The following VPS25 variants were observed in gnomAD, a reference collection of about 807,000 sequenced individuals.
VPS25 encodes vacuolar protein-sorting-associated protein 25.
A neutral mutation model predicts 30.3 loss-of-function variants in VPS25; 21 were observed. That is an observed-to-expected ratio of 0.69 (90% confidence interval 0.49 to 1.00). VPS25 has a LOEUF of 1.00. Ranked by LOEUF, VPS25 falls within the 50% of genes least tolerant of loss-of-function variation. The pLI is 0.00. For missense variants in VPS25, 156 were observed against 217.2 expected, an observed-to-expected ratio of 0.72 and a Z score of 1.77; for synonymous variants, 101 against 88.1, an observed-to-expected ratio of 1.15 and a Z score of -0.82.
At chr17:42,773,953 C>G (rs1194317597) in intron 2 of VPS25, 75 bp downstream of exon 2, 1 of 1,516,938 alleles carries the variant, frequency 6.6e-7, no homozygotes, top group Non-Finnish European at 8.8e-7. Flanking sequence ...GACGCCCCCC[C>G]GCGCCAGCCC....
At chr17:42,775,584 G>A (rs571043711) in intron 4 of VPS25, 115 bp downstream of exon 4, 1 of 770,808 alleles carries the variant, frequency 1.3e-6, no homozygotes, top group East Asian at 2.9e-5. Flanking sequence ...ATGGGGAGGG[G>A]GCAGAAAGAG....
At chr17:42,776,120 A>G (rs1366424103) in intron 4 of VPS25, 125 bp from the exon 5 acceptor site, 3 of 774,466 alleles carry the variant, frequency 3.9e-6, no homozygotes, top group Non-Finnish European at 6.4e-6. Flanking sequence ...CACTCTGCAG[A>G]GGCGACAGTG....
intron 2 of VPS25, chr17:42,774,088 G>T: frequency 1.8e-6 from 1 of 551,460 alleles, no homozygotes; most frequent in Non-Finnish European, 3.0e-6. Flanking sequence ...ATGACTGCTC[G>T]GATGTCATTA....
At chr17:42,776,118 A>G in intron 4 of VPS25, 127 bp from the exon 5 acceptor site, 1 of 765,554 alleles carries the variant, frequency 1.3e-6, no homozygotes, top group Non-Finnish European at 2.1e-6. Context: ...GCCACTCTGC[A>G]GAGGCGACAG....
At chr17:42,774,021 G>T in intron 2 of VPS25, 143 bp downstream of exon 2, 1 of 1,001,470 alleles carries the variant, frequency 1.0e-6, no homozygotes, top group Non-Finnish European at 1.4e-6. Flanking sequence ...GTGAAAATGT[G>T]TAGCTGACAT....
At chr17:42,775,548 G>A in intron 4 of VPS25, 79 bp downstream of exon 4, 5 of 1,234,112 alleles carry the variant, frequency 4.1e-6, no homozygotes, top group Non-Finnish European at 5.8e-6. Context: ...CAGATAGCCG[G>A]TGTTCCCAGA....
At chr17:42,774,034 T>G in intron 2 of VPS25, 156 bp downstream of exon 2, 1 of 888,442 alleles carries the variant, frequency 1.1e-6, no homozygotes, top group Non-Finnish European at 1.7e-6. Context: ...GCTGACATTT[T>G]CCCCTGGCAA....
At chr17:42,774,176 C>A in intron 2 of VPS25, 1 of 309,918 alleles carries the variant, frequency 3.2e-6, no homozygotes, top group Admixed American at 4.7e-5. Context: ...TATCTTCCAT[C>A]CTTTTCTGTG....
At chr17:42,773,914 A>T in intron 2 of VPS25, 36 bp downstream of exon 2, 1 of 1,592,570 alleles carries the variant, frequency 6.3e-7, no homozygotes, top group Non-Finnish European at 8.5e-7. Context: ...GCCCATACAC[A>T]TGCACTTCTG....
At chr17:42,777,466 A>G (rs1481963757) in intron 5 of VPS25, among the ~76,000 whole-genome samples, 2 of 152,272 alleles carry the variant, frequency 1.3e-5, no homozygotes, top group African/African-American at 4.8e-5. Flanking sequence ...GTAAGCCAAG[A>G]TCGCACCACT....
intron 2 of VPS25, chr17:42,774,095 A>T: frequency 2.0e-6 from 1 of 507,984 alleles, no homozygotes; most frequent in Non-Finnish European, 3.3e-6. Flanking sequence ...CTCGGATGTC[A>T]TTAAGGTCTT....
chr17:42,779,314 A>T lies in VPS25; in HGVS notation c.*245A>T. The T allele has an allele frequency of 2.2e-6, 1 of 458,432 alleles. No homozygotes were observed. Among genetic ancestry groups the T allele is most frequent in the Non-Finnish European group, 4.1e-6 (1 of 246,088 alleles). 28.4% of individuals were successfully genotyped at this position (458,432 alleles called of 1,614,324 possible). Reference sequence around the variant, plus strand: ...CTCGCCCTACCTCCTTTCCCATCCTAGACTGTCCTTGAGCCAGGGTCTGTA... The same window carrying T: ...CTCGCCCTACCTCCTTTCCCATCCTTGACTGTCCTTGAGCCAGGGTCTGTA... On this transcript the variant is annotated 3_prime_UTR_variant, in exon 6 of 6. Transcript: ENST00000253794.
chr17:42,776,735 A>G (rs2054438814), intron 5 of VPS25, among the ~76,000 whole-genome samples: 1 of 146,336 alleles, frequency 6.8e-6, no homozygotes, highest in South Asian at 2.1e-4. Context: ...GTCTCTGCTC[A>G]CTGCAACCTC....
chr17:42,776,820 CA>C (rs1020430188), intron 5 of VPS25, among the ~76,000 whole-genome samples: 4 of 152,162 alleles, frequency 2.6e-5, no homozygotes, highest in African/African-American at 9.7e-5. Context: ...AATTCACATG[CA>C]AAAAATCCCA....
intron 2 of VPS25, 72 bp from the exon 3 acceptor site, chr17:42,774,574 A>T: frequency 1.5e-6 from 2 of 1,357,376 alleles, no homozygotes; most frequent in Non-Finnish European, 2.1e-6. Flanking sequence ...GTGTTTCTCA[A>T]CATGGGACTG....
At chr17:42,774,624 C>T (rs558482766) in intron 2 of VPS25, 22 bp from the exon 3 acceptor site, 53 of 1,609,666 alleles carry the variant, frequency 3.3e-5, no homozygotes, top group Middle Eastern at 3.3e-4. Context: ...ATGTGTATGC[C>T]GTTCCCTTAA....
chr17:42,774,232 C>G (rs979554421), intron 2 of VPS25: 5 of 267,812 alleles, frequency 1.9e-5, no homozygotes, highest in Admixed American at 1.0e-4. Flanking sequence ...TTCTCTGCCC[C>G]CCTCCTGCCA....
chr17:42,776,251 A>G lies in VPS25; in HGVS notation c.349A>G (p.Arg117Gly). ...TCATTTTCTGTATTCACAGGTTTCC[A>G]GGAGTGGCCAGAACAACTCCGTCTT... The part of the protein sequence containing the change: ...WGKLIYQWVS[R>G]SGQNNSVFTL... The change falls in exon 5 of 6, where the codon AGG becomes GGG. Residue 117 changes from arginine (R) to glycine (G), a missense_variant. Coordinates refer to ENST00000253794, the MANE Select transcript of VPS25 (RefSeq NM_032353.4). 1 of 1,613,414 alleles carries G rather than the reference A, an allele frequency of 6.2e-7. No individual in the cohort carries two copies. Among genetic ancestry groups the G allele is most frequent in the Middle Eastern group, 1.8e-4 (1 of 5,540 alleles).
chr17:42,774,461 G>T, intron 2 of VPS25, 185 bp from the exon 3 acceptor site: 1 of 405,652 alleles, frequency 2.5e-6, no homozygotes, highest in Non-Finnish European at 4.4e-6. Flanking sequence ...CCTTTTAATT[G>T]GAAGAGTTTC....
Sources: allele counts gnomAD v4.1 joint callset (sites outside exome capture counted in the v4.1 genomes callset), GRCh38; gene constraint gnomAD v4.1.1; transcripts MANE v1.5; gene names NCBI Gene and HGNC (gene_info 2026-07-23, HGNC 2026-07-21).